Variants in TRPM5 observed in about 807,000 individuals in gnomAD.
The protein encoded by TRPM5 is MLSN1 and TRP-related.
A neutral mutation model predicts 124.9 loss-of-function variants in TRPM5; 121 were observed. The observed-to-expected ratio is 0.97, with a 90% CI of 0.84 to 1.13. The LOEUF is 1.13. Ranked by LOEUF, TRPM5 falls within the 50% of genes most tolerant of loss-of-function variation. The pLI is 0.00. For missense variants in TRPM5, 1,643 were observed against 1,589.1 expected, an observed-to-expected ratio of 1.03 and a Z score of -0.58; for synonymous variants, 781 against 700.5, an observed-to-expected ratio of 1.11 and a Z score of -1.81.
At chr11:2,433,899 T>G in the TRPM5 span, among the ~76,000 whole-genome samples, 2 of 151,738 alleles carry the variant, frequency 1.3e-5, no homozygotes, top group Non-Finnish European at 2.9e-5. Context: ...ACACTGTATA[T>G]GAGTGTATGT....
the TRPM5 span, among the ~76,000 whole-genome samples, chr11:2,431,116 G>A: frequency 6.6e-6 from 1 of 152,106 alleles, no homozygotes; most frequent in Non-Finnish European, 1.5e-5. Flanking sequence ...TTGTCCCCTA[G>A]CATGGCTGAA....
chr11:2,404,682 C>T (rs936935783), exon 24 of TRPM5: 1 of 517,426 alleles, frequency 1.9e-6, no homozygotes, highest in Non-Finnish European at 3.5e-6. Context: ...TGCGGTGGGG[C>T]ACGTTTTCTG....
At chr11:2,418,635 G>A (rs1370733140) in intron 4 of TRPM5, 44 bp from the exon 10 acceptor site, 2 of 1,578,282 alleles carry the variant, frequency 1.3e-6, no homozygotes, top group Non-Finnish European at 1.7e-6. Context: ...CTCCGCCTGG[G>A]GTGACCACCC....
the TRPM5 span, among the ~76,000 whole-genome samples, chr11:2,428,445 GGTGGTGGTGGTGATGATGGTGGCAGTA>G: frequency 3.3e-5 from 5 of 152,170 alleles, no homozygotes; most frequent in African/African-American, 1.2e-4. This position sits in a 1 kb window ranked among gnomAD's most constrained non-coding sequence, Gnocchi z 4.0. Context: ...TGAAGGTGAT[GGTGGTGGTGGTGATGATGGTGGCAGTA>G]GTGGTGGTGG....
rs778772378 is a variant in TRPM5 at position 2,414,208 on chromosome 11, T to A, written c.1745-2A>T. On this transcript the variant is annotated splice_acceptor_variant, in intron 11 of 23. Coordinates refer to ENST00000155858, the Ensembl canonical transcript of TRPM5. LOFTEE classifies it high-confidence loss of function. ...TGCTGTAGCACTCGGAGAAGAGGTC[T>A]GCCCCCGGAGGCCCTGGCCGCTAGG... 2 of 1,607,190 alleles carry A rather than the reference T, an allele frequency of 1.2e-6. No homozygotes were observed. The highest frequency in any genetic ancestry group is 1.1e-5 in the South Asian group (1 of 90,374).
At chr11:2,407,005 C>T (rs1850335939) in intron 20 of TRPM5, 114 bp downstream of exon 25, 19 of 1,365,474 alleles carry the variant, frequency 1.4e-5, no homozygotes, top group Admixed American at 5.7e-5. Flanking sequence ...GCTGAGGACC[C>T]ACAGGGCTGA....
At chr11:2,421,487 G>A (rs182936154) in intron 2 of TRPM5, among the ~76,000 whole-genome samples, 199 of 152,296 alleles carry the variant, frequency 1.3e-3, no homozygotes, top group African/African-American at 4.4e-3. Flanking sequence ...TGCTCCCTCC[G>A]GGACACATCC....
chr11:2,436,569 G>A, the TRPM5 span, among the ~76,000 whole-genome samples: 2 of 152,346 alleles, frequency 1.3e-5, no homozygotes, highest in East Asian at 1.9e-4. Flanking sequence ...CAGGGGCCCC[G>A]CCAGGGCTGG....
intron 7 of TRPM5, among the ~76,000 whole-genome samples, chr11:2,417,002 G>T (rs541578587): frequency 6.6e-6 from 1 of 152,188 alleles, no homozygotes; most frequent in Non-Finnish European, 1.5e-5. Context: ...CGAAATGCCC[G>T]TCAGCAAATC....
rs559628446 is a variant in TRPM5, at chr11:2,420,230, C to A, written c.641G>T (p.Gly214Val). 29 of 1,600,538 alleles carry A rather than the reference C, an allele frequency of 1.8e-5. No homozygotes were observed. In the South Asian group the frequency reaches 2.4e-4, roughly 13 times the overall value. Residue 214 changes from glycine to valine, a missense_variant, in exon 4 of 24, where the codon GGC (glycine) becomes GTC (valine). By Grantham distance (109) the Gly-to-Val change is moderately radical. Transcript: ENST00000155858. The stretch of plus-strand genomic sequence containing the variant: ...GCTGGGGCGGGTCTCACCCCCGTAG[C>A]CCGCCCTCTGCTCCGAGATGTGCTT...
chr11:2,433,652 G>C, the TRPM5 span, among the ~76,000 whole-genome samples: 1 of 152,292 alleles, frequency 6.6e-6, no homozygotes, highest in Admixed American at 6.5e-5. Context: ...TAAGGCCTGA[G>C]CCAGTGTGCC....
At chr11:2,419,885 C>G (rs1476326830) in intron 4 of TRPM5, among the ~76,000 whole-genome samples, 1 of 152,262 alleles carries the variant, frequency 6.6e-6, no homozygotes, top group Non-Finnish European at 1.5e-5. Context: ...TTTCAACTCA[C>G]GATCTCATTT....
rs529836684 is a variant in TRPM5, at chr11:2,405,379, C to T, written c.3391+148G>A. 8 of 816,716 alleles carry T rather than the reference C, an allele frequency of 9.8e-6. No homozygotes were observed. The African/African-American group carries it at 1.4e-4, about 14-fold the overall frequency. 50.6% of individuals were successfully genotyped at this position (816,716 alleles called of 1,614,324 possible). A position where few individuals can be genotyped will look rare whatever the true frequency, so the allele number is the denominator to read the frequency against. ...ACTCCGTCAGAGGGCACCCACACCA[C>T]CCTGAAGAGCCGCGTCCAGCCAAGG... On this transcript the variant is annotated intron_variant, in intron 23 of 23. Coordinates refer to ENST00000155858, the Ensembl canonical transcript of TRPM5.
At chr11:2,411,865 A>G (rs1850459481) in intron 16 of TRPM5, 98 bp from the exon 22 acceptor site, 1 of 1,464,050 alleles carries the variant, frequency 6.8e-7, no homozygotes, top group Non-Finnish European at 9.3e-7. Flanking sequence ...GGCCAGGGCC[A>G]GGCCAGGACT....
chr11:2,405,628 G>GCT (rs746407329), intron 22 of TRPM5, 35 bp from the exon 28 acceptor site: 1 of 1,550,148 alleles, frequency 6.5e-7, no homozygotes, highest in South Asian at 1.2e-5. Flanking sequence ...AAGCTCCAGG[G>GCT]CTCTCTCAGG....
At position 2,405,872 on chromosome 11, in the gene TRPM5, A is replaced by G. The variant is rs1164788878; in HGVS notation, c.3324+147T>C. 12 of 764,576 alleles carry G rather than the reference A, an allele frequency of 1.6e-5. No individual in the cohort carries two copies. In the South Asian group the frequency reaches 1.7e-4, roughly 11 times the overall value. 47.4% of individuals were successfully genotyped at this position (764,576 alleles called of 1,614,324 possible). On this transcript the variant is annotated intron_variant, in intron 22 of 23. Coordinates refer to ENST00000155858, the Ensembl canonical transcript of TRPM5. ...GTGGGGACGGCCTGTCTTCCCCAGAACGCTCCTCTGCCCACTGGGGTGCTC... is the reference window on the plus strand; with the variant it reads ...GTGGGGACGGCCTGTCTTCCCCAGAGCGCTCCTCTGCCCACTGGGGTGCTC...
chr11:2,436,426 C>A, the TRPM5 span, among the ~76,000 whole-genome samples: 1 of 152,266 alleles, frequency 6.6e-6, no homozygotes, highest in African/African-American at 2.4e-5. Context: ...CATTTGCCCT[C>A]CTTCTCTGAG....
chr11:2,422,220 AC>A lies in TRPM5; in HGVS notation c.218del (p.Gly73ValfsTer8). On this transcript the variant is annotated frameshift_variant, in exon 2 of 24. Transcript: ENST00000155858. LOFTEE classifies it high-confidence loss of function. ...ACTTCATGGCGAAAGGCTGCTCCTC[AC>A]CCACCAGGGACACCACCAGGTTGGG... 1 of 1,612,070 alleles carries A rather than the reference AC, an allele frequency of 6.2e-7. No homozygotes were observed. The highest frequency in any genetic ancestry group is 8.5e-7 in the Non-Finnish European group (1 of 1,179,688).
intron 7 of TRPM5, 21 bp downstream of exon 12, chr11:2,417,706 G>GGCCCCCC: frequency 3.7e-6 from 4 of 1,087,288 alleles, no homozygotes; most frequent in Non-Finnish European, 2.8e-6. Context: ...CGCCTGCCTT[G>GGCCCCCC]CCCACCCTGC....
Sources: allele counts gnomAD v4.1 joint callset (sites outside exome capture counted in the v4.1 genomes callset), GRCh38; gene constraint gnomAD v4.1.1; non-coding constraint Gnocchi (gnomAD v3.1); transcripts MANE v1.5; gene names NCBI Gene and HGNC (gene_info 2026-07-23, HGNC 2026-07-21).